MIPOL1: variants seen among roughly 807,000 people sequenced by gnomAD.
MIPOL1 encodes the protein mirror-image polydactyly 1.
In MIPOL1, 57 loss-of-function variants were observed where a neutral mutation model predicts 60.9. The observed-to-expected ratio is 0.94, with a 90% CI of 0.76 to 1.17. The LOEUF (loss-of-function observed/expected upper bound fraction) is 1.17, where lower values mean the gene tolerates loss of function less well. Among genes scored for constraint, MIPOL1 ranks in the 50% most tolerant of loss-of-function variants. The pLI is 0.00. For synonymous variants in MIPOL1, 179 were observed against 168.8 expected (o/e 1.06, Z -0.47); for missense variants, 551 against 511.6 (o/e 1.08, Z -0.74).
intron 4 of MIPOL1, 133 bp from the exon 5 acceptor site, chr14:37,268,525 A>G: frequency 1.5e-6 from 1 of 651,644 alleles, no homozygotes. Context: ...CTTCAAAAAA[A>G]CAGCCCATCT....
intron 11 of MIPOL1, among the ~76,000 whole-genome samples, chr14:37,444,365 A>T (rs2094299071): frequency 6.6e-6 from 1 of 152,184 alleles, no homozygotes; most frequent in Non-Finnish European, 1.5e-5. Context: ...GATTGCTGAA[A>T]ACAATTATGG....
intron 1 of MIPOL1, among the ~76,000 whole-genome samples, chr14:37,242,185 A>G (rs1456607572): frequency 2.0e-5 from 3 of 152,124 alleles, no homozygotes; most frequent in Non-Finnish European, 4.4e-5. Context: ...GCACCCAATT[A>G]AAAAACCAAA....
chr14:37,387,750 G>C lies in MIPOL1; in HGVS notation c.936+18126G>C, dbSNP rs1030189979. Among the ~76,000 whole-genome samples, 8 of 151,856 alleles carry C rather than the reference G, an allele frequency of 5.3e-5. 1 individual carries two copies. In the South Asian group the frequency reaches 1.0e-3, roughly 20 times the overall value. On this transcript the variant is annotated intron_variant, in intron 10 of 12. Transcript: ENST00000684589. ...TAAGACCATAGTTTTCTCTATGGCA[G>C]GTTTTTTAAATCTGGAAGCTATCAG...
At chr14:37,306,307 A>G (rs1405429457) in intron 7 of MIPOL1, among the ~76,000 whole-genome samples, 14 of 151,816 alleles carry the variant, frequency 9.2e-5, no homozygotes, top group Admixed American at 9.2e-4. Flanking sequence ...TAGGTAACCT[A>G]CTGTTATTTC....
rs554879221 is a variant in MIPOL1 at position 37,452,324 on chromosome 14, A to G, written c.1031+29375A>G. ...TAGCAGAAAAGCATCAATTATAGAA[A>G]TAGTTCTGTGAGTATGAACAACAAA... On this transcript the variant is annotated intron_variant, in intron 11 of 12. Coordinates refer to ENST00000684589, the MANE Select transcript of MIPOL1 (RefSeq NM_001388067.1). Among the ~76,000 whole-genome samples the G allele has an allele frequency of 1.6e-3, 247 of 152,356 alleles. 6 individuals carry two copies. The highest frequency in any genetic ancestry group is 0.016 in the Admixed American group (246 of 15,308).
At chr14:37,519,277 C>A (rs1173696586) in intron 12 of MIPOL1, among the ~76,000 whole-genome samples, 1 of 152,080 alleles carries the variant, frequency 6.6e-6, no homozygotes, top group Non-Finnish European at 1.5e-5. Flanking sequence ...TGCCTTAGAA[C>A]AATAATTTAG....
At chr14:37,540,271 T>C (rs956257042) in intron 12 of MIPOL1, among the ~76,000 whole-genome samples, 1 of 152,226 alleles carries the variant, frequency 6.6e-6, no homozygotes, top group Non-Finnish European at 1.5e-5. Flanking sequence ...TTTTCACTTA[T>C]GAATTCATTC....
intron 11 of MIPOL1, among the ~76,000 whole-genome samples, chr14:37,498,447 G>A (rs2095166076): frequency 6.6e-6 from 1 of 151,916 alleles, no homozygotes; most frequent in Non-Finnish European, 1.5e-5. Context: ...GAGATAAAGA[G>A]GGTGAGCTGA....
At chr14:37,294,573 G>A (rs1482470650) in intron 7 of MIPOL1, among the ~76,000 whole-genome samples, 2 of 152,064 alleles carry the variant, frequency 1.3e-5, no homozygotes, top group Non-Finnish European at 2.9e-5. Flanking sequence ...AAAATTAGAC[G>A]AATGGATAAC....
At chr14:37,441,317 A>G (rs1330716108) in intron 11 of MIPOL1, among the ~76,000 whole-genome samples, 4 of 152,154 alleles carry the variant, frequency 2.6e-5, no homozygotes, top group South Asian at 4.1e-4. Context: ...TGCCTAGACC[A>G]ATGAACAGAA....
chr14:37,260,714 T>G (rs577736294), intron 3 of MIPOL1, among the ~76,000 whole-genome samples: 1 of 152,258 alleles, frequency 6.6e-6, no homozygotes, highest in East Asian at 1.9e-4. Flanking sequence ...ATTTTATGAC[T>G]GTTGAAGCCA....
intron 9 of MIPOL1, among the ~76,000 whole-genome samples, chr14:37,345,634 C>A (rs939278377): frequency 2.6e-5 from 4 of 152,128 alleles, no homozygotes; most frequent in African/African-American, 9.7e-5. Flanking sequence ...GATCTGGAAT[C>A]AGCCAAACAT....
rs376016396 is a variant in MIPOL1, at chr14:37,244,589, A to G, written c.-198-2514A>G. On this transcript the variant is annotated intron_variant, in intron 1 of 12. Coordinates refer to ENST00000684589, the MANE Select transcript of MIPOL1 (RefSeq NM_001388067.1). ...TGATTTTTTCCATCACAACTTATAA[A>G]CAAACTTTAGTTGCAAATTGATTTT... 1.6e-4 allele frequency among the ~76,000 whole-genome samples: 24 copies of G among 152,092 alleles called. 2 individuals carry two copies. Among genetic ancestry groups the G allele is most frequent in the African/African-American group, 5.8e-4 (24 of 41,518 alleles).
intron 1 of MIPOL1, among the ~76,000 whole-genome samples, chr14:37,230,592 C>G (rs949182337): frequency 6.6e-6 from 1 of 152,088 alleles, no homozygotes; most frequent in African/African-American, 2.4e-5. Flanking sequence ...TTGAAGAAAT[C>G]CCAAGTATTC....
chr14:37,241,558 G>T (rs994017076), intron 1 of MIPOL1, among the ~76,000 whole-genome samples: 1 of 149,316 alleles, frequency 6.7e-6, no homozygotes, highest in Non-Finnish European at 1.5e-5. Context: ...TCTCTATTAC[G>T]GGTGCGGCAG....
At chr14:37,248,512 G>A (rs1453875675) in intron 3 of MIPOL1, among the ~76,000 whole-genome samples, 1 of 151,724 alleles carries the variant, frequency 6.6e-6, no homozygotes, top group Non-Finnish European at 1.5e-5. Context: ...ACAGGCATGC[G>A]GACAGATACA....
intron 11 of MIPOL1, among the ~76,000 whole-genome samples, chr14:37,472,884 C>T (rs562847673): frequency 6.6e-6 from 1 of 152,156 alleles, no homozygotes; most frequent in East Asian, 1.9e-4. Context: ...TTTTACAGAC[C>T]ACTCACTACC....
At chr14:37,413,464 G>A (rs2093712609) in intron 10 of MIPOL1, among the ~76,000 whole-genome samples, 1 of 152,086 alleles carries the variant, frequency 6.6e-6, no homozygotes, top group Non-Finnish European at 1.5e-5. Context: ...CATCTCTCTG[G>A]TTCTTATTCT....
chr14:37,270,916 A>G (rs2083260459), intron 6 of MIPOL1, among the ~76,000 whole-genome samples: 1 of 152,050 alleles, frequency 6.6e-6, no homozygotes, highest in African/African-American at 2.4e-5. Flanking sequence ...TCTCCTTTGT[A>G]TGAAGATAGT....
Sources: allele counts gnomAD v4.1 joint callset (sites outside exome capture counted in the v4.1 genomes callset), GRCh38; gene constraint gnomAD v4.1.1; transcripts MANE v1.5; gene names NCBI Gene and HGNC (gene_info 2026-07-23, HGNC 2026-07-21).